The following ENTPD2 variants were observed in gnomAD, a reference collection of about 807,000 sequenced individuals.
ENTPD2 encodes the protein CD39 antigen-like 1.
Under a neutral mutation model 46.8 loss-of-function variants are expected in ENTPD2, and 48 were observed. The observed-to-expected ratio is 1.03, with a 90% confidence interval of 0.81 to 1.30. ENTPD2 has a LOEUF of 1.30. ENTPD2 is among the 50% of genes most tolerant of loss of function. The pLI, the probability that ENTPD2 is intolerant of heterozygous loss-of-function variation, is 0.00. For missense variants in ENTPD2, 707 were observed against 651.1 expected (o/e 1.09, Z -0.93); for synonymous variants, 316 against 286.1 (o/e 1.10, Z -1.06).
chr9:137,048,458 A>C lies in ENTPD2; in HGVS notation c.*199T>G, dbSNP rs1832180898. 2 of 465,706 alleles carry C rather than the reference A, an allele frequency of 4.3e-6. No homozygotes were observed. The highest frequency in any genetic ancestry group is 3.7e-6 in the Non-Finnish European group (1 of 268,900). The allele number at this position is 465,706 out of a possible 1,614,324, so 28.8% of individuals were successfully genotyped here. A position where few individuals can be genotyped will look rare whatever the true frequency, so the allele number is the denominator to read the frequency against. ...GGTGGGGTGGAAGGATGGAGAAGAC[A>C]GTGGTGGGGTGGAGCGGTGGGGGAT... On this transcript the variant is annotated 3_prime_UTR_variant, in exon 9 of 9. Transcript: ENST00000355097.
rs773102878 is a variant in ENTPD2 at position 137,050,508 on chromosome 9, C to G, written c.805G>C (p.Gly269Arg). The G allele has an allele frequency of 1.9e-6, 3 of 1,612,744 alleles. No individual in the cohort carries two copies. The highest frequency in any genetic ancestry group is 2.2e-5 in the South Asian group (2 of 91,090). ...THGFHPCWPR[G>R]FSTQVLLGDV... is the part of the protein sequence containing the mutation. Reference sequence around the variant, plus strand: ...CCGAGCAGCACTTGGGTGGAAAAGCCCCTCGGCCAGCAGGGGTGGAAGCCG... The same window carrying G: ...CCGAGCAGCACTTGGGTGGAAAAGCGCCTCGGCCAGCAGGGGTGGAAGCCG... The change falls in exon 6 of 9, where the codon GGC becomes CGC. Residue 269 changes from glycine (G) to arginine (R), a missense_variant. Physicochemically the swap from Gly to Arg is moderately radical, Grantham distance 125 (BLOSUM62 -2). Transcript: ENST00000355097.
At chr9:137,050,802 T>G in intron 5 of ENTPD2, 100 bp downstream of exon 5, 2 of 1,434,320 alleles carry the variant, frequency 1.4e-6, no homozygotes, top group Middle Eastern at 2.0e-4. Context: ...TCCAGCCAAT[T>G]AAAGCCCAGC....
Position 137,052,357 on chromosome 9 carries a change from G to C in ENTPD2, c.118-9C>G. On this transcript the variant is annotated splice_polypyrimidine_tract_variant and intron_variant, in intron 1 of 8. Coordinates refer to ENST00000355097, the MANE Select transcript of ENTPD2 (RefSeq NM_203468.3). ...TCCAGGACGATGCCATACTGCGGGG[G>C]AGGGGGAGGGAGTCAGCCTGGGGTG... 1 of 1,423,218 alleles carries C rather than the reference G, an allele frequency of 7.0e-7. No homozygotes were observed. The highest frequency in any genetic ancestry group is 1.1e-5 in the South Asian group (1 of 87,014). 88.2% of individuals were successfully genotyped at this position (1,423,218 alleles called of 1,614,324 possible). A position where few individuals can be genotyped will look rare whatever the true frequency, so the allele number is the denominator to read the frequency against.
In ENTPD2 at chr9:137,051,571, TG is replaced by T; in HGVS notation, c.324del (p.Glu110ArgfsTer21). 7.4e-6 allele frequency: 12 copies of T among 1,612,770 alleles called. No individual in the cohort carries two copies. Among genetic ancestry groups the T allele is most frequent in the Middle Eastern group, 3.3e-4 (2 of 6,060 alleles). On this transcript the variant is annotated frameshift_variant, in exon 3 of 9. Transcript: ENST00000355097. LOFTEE classifies it high-confidence loss of function. ...AGGGGTGTGCCCGCGTGTCTCTCTT[TG>T]GGCACATCCTGAAGCGCCTGTTCGA... is the stretch of plus-strand genomic sequence containing the variant. ...GCLEQALQDV[P>X]KERHAGTPLY...
rs1832312102 is a variant in ENTPD2 at position 137,052,243 on chromosome 9, A to G, written c.223T>C (p.Cys75Arg). 1.9e-6 allele frequency: 3 copies of G among 1,612,004 alleles called. No individual in the cohort carries two copies. Among genetic ancestry groups the G allele is most frequent in the Non-Finnish European group, 2.5e-6 (3 of 1,179,354 alleles). ...GGCTGGGCCTCACCTGGAACATCAC[A>G]GGAGCTGTGCTGGCCCACAATGCCT... ...DTGIVGQHSS[C>R]DVPGGGISSY... Residue 75 changes from cysteine (C) to arginine (R), a missense_variant, in exon 2 of 9, where the codon TGT becomes CGT. By Grantham distance (180) the Cys-to-Arg change is radical. Coordinates refer to ENST00000355097, the MANE Select transcript of ENTPD2 (RefSeq NM_203468.3).
At position 137,048,958 on chromosome 9, in the gene ENTPD2, C is replaced by G. The variant is rs1433180586; in HGVS notation, c.1267G>C (p.Val423Leu). The stretch of plus-strand genomic sequence containing the variant: ...CAGCCCACCTTCTTCTGGAAGATCA[C>G]GCCGCCGAAGGCGCGCTCGTCGAAG... Reference protein sequence around the residue: ...YGFDERAFGGVIFQKKAADTA... With the variant: ...YGFDERAFGGLIFQKKAADTA... The change falls in exon 8 of 9, where the codon GTG becomes CTG. Residue 423 changes from valine (V) to leucine (L), a missense_variant. Val to Leu is a conservative substitution (Grantham distance 32). Transcript: ENST00000355097. The G allele has an allele frequency of 2.0e-6, 3 of 1,518,006 alleles. No homozygotes were observed. Among genetic ancestry groups the G allele is most frequent in the Non-Finnish European group, 8.8e-7 (1 of 1,130,604 alleles). The allele number at this position is 1,518,006 out of a possible 1,614,324, so 94.0% of individuals were successfully genotyped here. A position where few individuals can be genotyped will look rare whatever the true frequency, so the allele number is the denominator to read the frequency against.
Position 137,051,609 on chromosome 9 carries a change from A to G in ENTPD2, c.287T>C (p.Leu96Pro), listed in dbSNP as rs11539737. 1,071 of 1,612,752 alleles carry G rather than the reference A, an allele frequency of 6.6e-4. 18 individuals carry two copies. The East Asian group carries it at 0.021, about 32-fold the overall frequency. Reference protein sequence around the residue: ...ADNPSGASQSLVGCLEQALQD... With the variant: ...ADNPSGASQSPVGCLEQALQD... ...AAGCGCCTGTTCGAGGCATCCAACA[A>G]GACTCTGGCTGGCCCCAGAAGGGTT... The change falls in exon 3 of 9, where the codon CTT becomes CCT. Residue 96 changes from leucine (L) to proline (P), a missense_variant. Coordinates refer to ENST00000355097, the MANE Select transcript of ENTPD2 (RefSeq NM_203468.3).
chr9:137,051,165 G>A (rs559166791), intron 4 of ENTPD2, 36 bp from the exon 5 acceptor site: 34 of 1,611,728 alleles, frequency 2.1e-5, no homozygotes, highest in South Asian at 3.3e-5. Context: ...ACCAGGGGCC[G>A]AGGGCGCCCA....
At chr9:137,050,619 T>C in intron 5 of ENTPD2, 81 bp from the exon 6 acceptor site, 2 of 1,528,560 alleles carry the variant, frequency 1.3e-6, no homozygotes, top group Admixed American at 2.0e-5. Flanking sequence ...CAGGTCTCAC[T>C]CTGGCAACTT....
Position 137,048,688 on chromosome 9 carries a change from A to G in ENTPD2, c.1457T>C (p.Val486Ala). 1 of 1,602,944 alleles carries G rather than the reference A, an allele frequency of 6.2e-7. No homozygotes were observed. The highest frequency in any genetic ancestry group is 8.5e-7 in the Non-Finnish European group (1 of 1,175,864). The change falls in exon 9 of 9, where the codon GTG (valine) becomes GCG (alanine). Residue 486 changes from valine (V) to alanine (A), a missense_variant. Transcript: ENST00000355097. Reference sequence around the variant, plus strand: ...GGTGCTTGGCAGCTTGGCGGAGTGCACCTGACGCAGCAGCAGGACAAGCGC... The same window carrying G: ...GGTGCTTGGCAGCTTGGCGGAGTGCGCCTGACGCAGCAGCAGGACAAGCGC... ...LAALVLLLRQ[V>A]HSAKLPSTI
chr9:137,052,425 T>TCC, intron 1 of ENTPD2, 77 bp from the exon 2 acceptor site: 1 of 1,237,982 alleles, frequency 8.1e-7, no homozygotes, highest in Non-Finnish European at 1.1e-6. Context: ...GAAGTTGGGT[T>TCC]CCTCCAGTTT....
Position 137,048,820 on chromosome 9 carries a change from A to C in ENTPD2, c.1325T>G (p.Leu442Arg). 1 of 1,567,510 alleles carries C rather than the reference A, an allele frequency of 6.4e-7. No individual in the cohort carries two copies. ...TAVGWALGYM[L>R]NLTNLIPADP... ...GGCGGGGATCAGGTTGGTCAGGTTC[A>C]GCATGTAGCCGAGCGCCCAGCCCAC... is the stretch of plus-strand genomic sequence containing the variant. Residue 442 changes from leucine to arginine, a missense_variant, in exon 9 of 9, where the codon CTG (leucine) becomes CGG (arginine). Transcript: ENST00000355097.
rs745356405 is a variant in ENTPD2, at chr9:137,050,402, C to T, written c.911G>A (p.Ser304Asn). 1.5e-5 allele frequency: 24 copies of T among 1,612,906 alleles called. No individual in the cohort carries two copies. The East Asian group carries it at 4.7e-4, about 31-fold the overall frequency. The change falls in exon 6 of 9, where the codon AGC (serine) becomes AAC (asparagine). Residue 304 changes from serine to asparagine, a missense_variant. Ser to Asn is a conservative substitution (Grantham distance 46, BLOSUM62 1). Coordinates refer to ENST00000355097, the MANE Select transcript of ENTPD2 (RefSeq NM_203468.3). Reference sequence around the variant, plus strand: ...ATCTCGGCAGAGGTGGGGGTCACTGCTCCCTGACAGGCTGACCCTGGCACT... The same window carrying T: ...ATCTCGGCAGAGGTGGGGGTCACTGTTCCCTGACAGGCTGACCCTGGCACT... ...NSSARVSLSG[S>N]SDPHLCRDLV...
Position 137,053,907 on chromosome 9 carries a change from C to T in ENTPD2, c.91G>A (p.Asp31Asn). 8.2e-7 allele frequency: 1 copy of T among 1,225,394 alleles called. No homozygotes were observed. The highest frequency in any genetic ancestry group is 1.0e-6 in the Non-Finnish European group (1 of 983,758). The allele number at this position is 1,225,394 out of a possible 1,614,324, so 75.9% of individuals were successfully genotyped here. Reference sequence around the variant, plus strand: ...TTGAGGGCGGGCGGCTCCCGGACGTCGCGGGTGGGGACGCACAGCAGTAGG... The same window carrying T: ...TTGAGGGCGGGCGGCTCCCGGACGTTGCGGGTGGGGACGCACAGCAGTAGG... ...GLLLLCVPTR[D>N]VREPPALKYG... The change falls in exon 1 of 9, where the codon GAC becomes AAC. Residue 31 changes from aspartate (D) to asparagine (N), a missense_variant. Physicochemically the swap from Asp to Asn is conservative, Grantham distance 23. Transcript: ENST00000355097.
At position 137,050,496 on chromosome 9, in the gene ENTPD2, G is replaced by T; in HGVS notation, c.817C>A (p.Gln273Lys). The change falls in exon 6 of 9, where the codon CAA (glutamine) becomes AAA (lysine). Residue 273 changes from glutamine (Q) to lysine (K), a missense_variant. By Grantham distance (53) the Gln-to-Lys change is moderately conservative. Coordinates refer to ENST00000355097, the MANE Select transcript of ENTPD2 (RefSeq NM_203468.3). Reference sequence around the variant, plus strand: ...TGGTACACATCCCCGAGCAGCACTTGGGTGGAAAAGCCCCTCGGCCAGCAG... The same window carrying T: ...TGGTACACATCCCCGAGCAGCACTTTGGTGGAAAAGCCCCTCGGCCAGCAG... ...HPCWPRGFST[Q>K]VLLGDVYQSP... 1.2e-6 allele frequency: 2 copies of T among 1,612,796 alleles called. No individual in the cohort carries two copies. Among genetic ancestry groups the T allele is most frequent in the Non-Finnish European group, 1.7e-6 (2 of 1,179,982 alleles).
chr9:137,052,295 C>T lies in ENTPD2; in HGVS notation c.171G>A (p.Lys57=), dbSNP rs760925984. The T allele has an allele frequency of 2.5e-6, 4 of 1,607,194 alleles. No homozygotes were observed. The Admixed American group carries it at 5.0e-5, about 20-fold the overall frequency. Residue 57 remains lysine, a synonymous_variant, in exon 2 of 9, where the codon AAG becomes AAA. Transcript: ENST00000355097. ...TGTCGTTCTCCTTGTCTGCCGGCCA[C>T]TTGTAGATAAACATGGACGTGTGTG... ...GSSHTSMFIY[K]WPADKENDTG...
intron 5 of ENTPD2, 91 bp downstream of exon 5, chr9:137,050,811 G>T: frequency 6.8e-7 from 1 of 1,462,826 alleles, no homozygotes; most frequent in Non-Finnish European, 9.3e-7. Context: ...TTAAAGCCCA[G>T]CCTGGAGAAG....
rs558929657 is a variant in ENTPD2 at position 137,049,017 on chromosome 9, A to T, written c.1208T>A (p.Met403Lys). 1.3e-6 allele frequency: 2 copies of T among 1,537,062 alleles called. No homozygotes were observed. Among genetic ancestry groups the T allele is most frequent in the South Asian group, 2.4e-5 (2 of 83,978 alleles). ...ARLADYCAGA[M>K]FVQQLLSRGY... ...GCGACTCAGCAGCTGCTGCACGAAC[A>T]TGGCCCCGGCGCAGTAGTCGGCCAG... Residue 403 changes from methionine to lysine, a missense_variant, in exon 8 of 9, where the codon ATG (methionine) becomes AAG (lysine). By Grantham distance (95) the Met-to-Lys change is moderately conservative (BLOSUM62 -1). Transcript: ENST00000355097.
chr9:137,049,712 G>T, intron 7 of ENTPD2, 158 bp downstream of exon 7: 1 of 834,110 alleles, frequency 1.2e-6, no homozygotes, highest in Non-Finnish European at 1.8e-6. Context: ...CAGCCTACCG[G>T]CCACAGCCAC....
Sources: allele counts gnomAD v4.1 joint callset, GRCh38; gene constraint gnomAD v4.1.1; transcripts MANE v1.5; gene names NCBI Gene and HGNC (gene_info 2026-07-23, HGNC 2026-07-21).